SELENOT: variants seen among roughly 807,000 people sequenced by gnomAD.
The protein encoded by SELENOT is selenoprotein T.
SELENOT carries 9 observed loss-of-function variants against 24.3 expected under a neutral mutation model. That is an observed-to-expected ratio of 0.37 (90% confidence interval 0.22 to 0.65). The LOEUF is 0.65. SELENOT is among the 30% of genes least tolerant of loss of function. The probability of loss-of-function intolerance (pLI) is 0.60; values close to 1 mark genes in which losing one functional copy is unlikely to be tolerated. For synonymous variants in SELENOT, 81 were observed against 86.0 expected (o/e 0.94, Z 0.32); for missense variants, 166 against 247.6 (o/e 0.67, Z 2.21).
rs1726145090 is a variant in SELENOT at position 150,613,553 on chromosome 3, T to C, written c.138-8832T>C. On this transcript the variant is annotated intron_variant, in intron 1 of 5. Coordinates refer to ENST00000471696, the MANE Select transcript of SELENOT (RefSeq NM_016275.5). ...TTGTTTCGTGGAGTGTTATGTGATA[T>C]AAATTGCAGTTGCACAAAAGTGAAT... is the stretch of plus-strand genomic sequence containing the variant. 1.3e-5 allele frequency among the ~76,000 whole-genome samples: 2 copies of C among 151,686 alleles called. 1 individual carries two copies. Among genetic ancestry groups the C allele is most frequent in the South Asian group, 4.2e-4 (2 of 4,804 alleles).
chr3:150,625,108 T>C (rs1464517), intron 4 of SELENOT, among the ~76,000 whole-genome samples: 101,468 of 151,186 alleles, frequency 0.67, 34,743 homozygotes, highest in East Asian at 1. Context: ...AATCTCTTTA[T>C]CTCTGCTTGA....
chr3:150,603,608 C>G (rs575456412), intron 1 of SELENOT, 109 bp downstream of exon 1: 1 of 1,277,124 alleles, frequency 7.8e-7, no homozygotes, highest in Admixed American at 2.9e-5. Flanking sequence ...TCGCTGGCCT[C>G]GTAGAACTGT....
chr3:150,629,804 A>G lies in SELENOT; in HGVS notation c.*2175A>G, dbSNP rs1008796254. Reference sequence around the variant, plus strand: ...GAAGAATGAATATAAAAGTAATAATATAAGGAAAAAGGGAAAGTAAACTAT... The same window carrying G: ...GAAGAATGAATATAAAAGTAATAATGTAAGGAAAAAGGGAAAGTAAACTAT... On this transcript the variant is annotated 3_prime_UTR_variant, in exon 6 of 6. Transcript: ENST00000471696. The G allele has an allele frequency of 3.9e-5, 6 of 152,646 alleles. No homozygotes were observed. Among genetic ancestry groups the G allele is most frequent in the Non-Finnish European group, 7.3e-5 (5 of 68,046 alleles). The allele number at this position is 152,646 out of a possible 1,614,324, so 9.5% of individuals were successfully genotyped here. A position where few individuals can be genotyped will look rare whatever the true frequency, so the allele number is the denominator to read the frequency against.
chr3:150,611,172 T>G, intron 1 of SELENOT: 1 of 691,246 alleles, frequency 1.4e-6, no homozygotes, highest in African/African-American at 1.8e-5. Flanking sequence ...GAAAATCTTT[T>G]GCAGAAAAAA....
Position 150,611,232 on chromosome 3 carries a change from T to A in SELENOT, c.137+7733T>A. 9 of 1,062,572 alleles carry A rather than the reference T, an allele frequency of 8.5e-6. No homozygotes were observed. The South Asian group carries it at 1.2e-4, about 15-fold the overall frequency. The allele number at this position is 1,062,572 out of a possible 1,614,324, so 65.8% of individuals were successfully genotyped here. On this transcript the variant is annotated intron_variant, in intron 1 of 5. Coordinates refer to ENST00000471696, the MANE Select transcript of SELENOT (RefSeq NM_016275.5). ...GAAAAAGCGGTAAACAGTGTTAACA[T>A]CCAAGTTTTTAGTCTCAATTCCACA...
In SELENOT at chr3:150,604,473, G is replaced by T. The variant is rs147839237; in HGVS notation, c.137+974G>T. Among the ~76,000 whole-genome samples the T allele has an allele frequency of 3.7e-3, 563 of 152,288 alleles. 2 individuals carry two copies. Among genetic ancestry groups the T allele is most frequent in the African/African-American group, 0.013 (541 of 41,548 alleles). On this transcript the variant is annotated intron_variant, in intron 1 of 5. Coordinates refer to ENST00000471696, the MANE Select transcript of SELENOT (RefSeq NM_016275.5). ...TAAACCGACCATCCCAGAATAGCCA[G>T]ATTAGTAAATCATCAGAGTCCGGAT...
At chr3:150,605,984 G>C (rs1368154019) in intron 1 of SELENOT, among the ~76,000 whole-genome samples, 1 of 152,096 alleles carries the variant, frequency 6.6e-6, no homozygotes, top group Non-Finnish European at 1.5e-5. Context: ...TAGTGATCAT[G>C]AGTATTTTAT....
rs202242691 is a variant in SELENOT, at chr3:150,614,009, A to AT, written c.138-8365dup. On this transcript the variant is annotated intron_variant, in intron 1 of 5. Transcript: ENST00000471696. ...TCAAGAGACAGTACATTTTAGGTTT[A>AT]TTTTTTTTTTTAATCCAAGGCTTTG... Among the ~76,000 whole-genome samples the AT allele has an allele frequency of 8.1e-3, 1,204 of 147,808 alleles. 10 individuals are homozygous for AT. Among genetic ancestry groups the AT allele is most frequent in the Non-Finnish European group, 0.012 (786 of 66,478 alleles).
intron 4 of SELENOT, among the ~76,000 whole-genome samples, chr3:150,625,701 T>A (rs918239624): frequency 1.3e-5 from 2 of 152,210 alleles, no homozygotes; most frequent in African/African-American, 4.8e-5. Flanking sequence ...TCTGTGCTTA[T>A]AACTAAAGTT....
chr3:150,628,895 C>G lies in SELENOT; in HGVS notation c.*1266C>G, dbSNP rs1014302197. On this transcript the variant is annotated 3_prime_UTR_variant, in exon 6 of 6. Coordinates refer to ENST00000471696, the MANE Select transcript of SELENOT (RefSeq NM_016275.5). ...GTTATAAGGTACAGGTTGAGTATCC[C>G]TTTTCCAAAAATGCTTGGGACAAGA... is the stretch of plus-strand genomic sequence containing the variant. 2 of 152,036 alleles carry G rather than the reference C, an allele frequency of 1.3e-5. No homozygotes were observed. Among genetic ancestry groups the G allele is most frequent in the African/African-American group, 4.8e-5 (2 of 41,402 alleles). 9.4% of individuals were successfully genotyped at this position (152,036 alleles called of 1,614,324 possible). A position where few individuals can be genotyped will look rare whatever the true frequency, so the allele number is the denominator to read the frequency against.
At chr3:150,610,426 A>T (rs1402328556) in intron 1 of SELENOT, among the ~76,000 whole-genome samples, 1 of 152,252 alleles carries the variant, frequency 6.6e-6, no homozygotes, top group African/African-American at 2.4e-5. Flanking sequence ...AACCAAAAAC[A>T]GTCTTAACAT....
At chr3:150,604,420 C>A (rs930594783) in intron 1 of SELENOT, among the ~76,000 whole-genome samples, 6 of 152,220 alleles carry the variant, frequency 3.9e-5, no homozygotes, top group Non-Finnish European at 5.9e-5. Context: ...GAGAATCTTA[C>A]ACCTCCAAAG....
In SELENOT at chr3:150,628,658, A is replaced by G. The variant is rs1454820544; in HGVS notation, c.*1029A>G. On this transcript the variant is annotated 3_prime_UTR_variant, in exon 6 of 6. Coordinates refer to ENST00000471696, the MANE Select transcript of SELENOT (RefSeq NM_016275.5). The stretch of plus-strand genomic sequence containing the variant: ...AGAATTTTATTGTATATGATGAACA[A>G]AACTTAAAATTTTTTAAATTTAATT... 6.6e-6 allele frequency: 1 copy of G among 152,186 alleles called. No homozygotes were observed. Among genetic ancestry groups the G allele is most frequent in the African/African-American group, 2.4e-5 (1 of 41,452 alleles). The allele number at this position is 152,186 out of a possible 1,614,324, so 9.4% of individuals were successfully genotyped here. A position where few individuals can be genotyped will look rare whatever the true frequency, so the allele number is the denominator to read the frequency against.
chr3:150,616,165 G>A (rs1559896794), intron 1 of SELENOT, among the ~76,000 whole-genome samples: 3 of 148,160 alleles, frequency 2.0e-5, no homozygotes, highest in Non-Finnish European at 3.0e-5. Flanking sequence ...AGCTGAAACT[G>A]GATCCCTTCC....
chr3:150,625,042 G>T, intron 4 of SELENOT, 143 bp downstream of exon 4: 1 of 460,216 alleles, frequency 2.2e-6, no homozygotes, highest in South Asian at 5.9e-5. Flanking sequence ...AAATTCAGGA[G>T]ATAGAAGAAT....
intron 4 of SELENOT, among the ~76,000 whole-genome samples, chr3:150,625,698 T>C (rs1726424840): frequency 6.6e-6 from 1 of 152,188 alleles, no homozygotes; most frequent in Admixed American, 6.5e-5. Context: ...ACTTCTGTGC[T>C]TATAACTAAA....
intron 1 of SELENOT, among the ~76,000 whole-genome samples, chr3:150,603,934 G>C (rs531118631): frequency 2.9e-4 from 44 of 152,236 alleles, no homozygotes; most frequent in Non-Finnish European, 5.3e-4. Flanking sequence ...GTAATGCCGG[G>C]CGGCTTCGCT....
Position 150,629,643 on chromosome 3 carries a change from A to C in SELENOT, c.*2014A>C, listed in dbSNP as rs937488261. ...CTGTTTGCCTTGGGTTGAATAACTT[A>C]TCTTTTGGAGAATAGCTTTAAGTGG... On this transcript the variant is annotated 3_prime_UTR_variant, in exon 6 of 6. Coordinates refer to ENST00000471696, the MANE Select transcript of SELENOT (RefSeq NM_016275.5). 3 of 152,652 alleles carry C rather than the reference A, an allele frequency of 2.0e-5. No homozygotes were observed. Among genetic ancestry groups the C allele is most frequent in the African/African-American group, 7.2e-5 (3 of 41,464 alleles). The allele number at this position is 152,652 out of a possible 1,614,324, so 9.5% of individuals were successfully genotyped here. A position where few individuals can be genotyped will look rare whatever the true frequency, so the allele number is the denominator to read the frequency against.
At position 150,629,095 on chromosome 3, in the gene SELENOT, C is replaced by T. The variant is rs1576536132; in HGVS notation, c.*1466C>T. On this transcript the variant is annotated 3_prime_UTR_variant, in exon 6 of 6. Coordinates refer to ENST00000471696, the MANE Select transcript of SELENOT (RefSeq NM_016275.5). ...ACTTAACACTTAGGTGTTAGAAGAC[C>T]TAACTTTCTGTAACAATTAACCTTA... The T allele has an allele frequency of 1.3e-5, 2 of 152,270 alleles. 1 individual carries two copies. The highest frequency in any genetic ancestry group is 6.8e-3 in the Middle Eastern group (2 of 294). The allele number at this position is 152,270 out of a possible 1,614,324, so 9.4% of individuals were successfully genotyped here.
Sources: gnomAD v4.1 joint callset for allele counts (sites outside exome capture counted in the v4.1 genomes callset) on GRCh38, gnomAD v4.1.1 for gene constraint, MANE v1.5 for transcripts, NCBI Gene and HGNC (gene_info 2026-07-23, HGNC 2026-07-21) for gene names.